The following ROR2 variants were observed in gnomAD, a reference collection of about 807,000 sequenced individuals.
ROR2 encodes tyrosine-protein kinase transmembrane receptor ROR2.
ROR2 carries 33 observed loss-of-function variants against 74.9 expected under a neutral mutation model. That is an observed-to-expected ratio of 0.44 (90% confidence interval 0.33 to 0.59). The LOEUF is 0.59. Ranked by LOEUF, ROR2 falls within the 20% of genes least tolerant of loss-of-function variation. The pLI is 0.02. For synonymous variants in ROR2, 586 were observed against 558.7 expected, an observed-to-expected ratio of 1.05 and a Z score of -0.69; for missense variants, 1,216 against 1,313.8, an observed-to-expected ratio of 0.93 and a Z score of 1.15.
At chr9:91,810,503 AT>A (rs1324273401) in intron 1 of ROR2, among the ~76,000 whole-genome samples, 6 of 152,140 alleles carry the variant, frequency 3.9e-5, no homozygotes, top group Non-Finnish European at 5.9e-5. Context: ...GTGCCTAAAC[AT>A]GCCAACCCAG....
chr9:91,852,632 C>T (rs1368510014), intron 1 of ROR2, among the ~76,000 whole-genome samples: 2 of 150,764 alleles, frequency 1.3e-5, no homozygotes, highest in Non-Finnish European at 1.5e-5. Context: ...CAAACACACA[C>T]ACACACACAC....
chr9:91,901,377 AATCAAACCAAC>A (rs961303455), intron 1 of ROR2, among the ~76,000 whole-genome samples: 1 of 151,738 alleles, frequency 6.6e-6, no homozygotes, highest in African/African-American at 2.4e-5. Context: ...CCTCAAGTAT[AATCAAACCAAC>A]AGTGTCCTTC....
At chr9:91,940,908 A>G (rs1831834671) in intron 1 of ROR2, among the ~76,000 whole-genome samples, 1 of 147,350 alleles carries the variant, frequency 6.8e-6, no homozygotes, top group African/African-American at 2.5e-5. Flanking sequence ...CCGGGCCTTG[A>G]GTCTTTCTTT....
At chr9:91,796,798 G>A (rs1827192990) in intron 1 of ROR2, among the ~76,000 whole-genome samples, 1 of 132,842 alleles carries the variant, frequency 7.5e-6, no homozygotes, top group African/African-American at 3.2e-5. Flanking sequence ...CTCTGTGGGT[G>A]GGGAATGACA....
At chr9:91,830,210 A>T (rs1828421816) in intron 1 of ROR2, among the ~76,000 whole-genome samples, 1 of 152,168 alleles carries the variant, frequency 6.6e-6, no homozygotes, top group African/African-American at 2.4e-5. Context: ...CTTGCCTGTA[A>T]TTCCAGCAAT....
intron 1 of ROR2, among the ~76,000 whole-genome samples, chr9:91,787,896 C>G (rs1238337340): frequency 6.6e-6 from 1 of 152,168 alleles, no homozygotes; most frequent in African/African-American, 2.4e-5. Context: ...TGCTAACCAA[C>G]TGAGCTAACC....
chr9:91,847,937 T>G (rs1166820127), intron 1 of ROR2, among the ~76,000 whole-genome samples: 1 of 152,194 alleles, frequency 6.6e-6, no homozygotes, highest in South Asian at 2.1e-4. Context: ...CAGCTCTGCC[T>G]GGCAGTACAG....
At chr9:91,796,698 T>C (rs1001426643) in intron 1 of ROR2, among the ~76,000 whole-genome samples, 1 of 151,020 alleles carries the variant, frequency 6.6e-6, no homozygotes, top group African/African-American at 2.4e-5. Flanking sequence ...ATGGGGCTGA[T>C]ACACTGGGAC....
At chr9:91,949,584 C>T (rs1832112387) in intron 1 of ROR2, among the ~76,000 whole-genome samples, 1 of 147,746 alleles carries the variant, frequency 6.8e-6, no homozygotes, top group Admixed American at 6.7e-5. Context: ...CCACTCGCGA[C>T]CCTCGGGAAG....
intron 1 of ROR2, among the ~76,000 whole-genome samples, chr9:91,921,717 G>C (rs1831266827): frequency 6.6e-6 from 1 of 152,098 alleles, no homozygotes; most frequent in African/African-American, 2.4e-5. Flanking sequence ...CACAAAAGTA[G>C]CCAGGCGTGG....
intron 1 of ROR2, among the ~76,000 whole-genome samples, chr9:91,809,125 T>C (rs1425036292): frequency 6.6e-6 from 1 of 152,248 alleles, no homozygotes; most frequent in Non-Finnish European, 1.5e-5. Flanking sequence ...TGCCTCCATG[T>C]TGCACATCCC....
At chr9:91,805,541 C>T (rs553585150) in intron 1 of ROR2, among the ~76,000 whole-genome samples, 1 of 152,316 alleles carries the variant, frequency 6.6e-6, no homozygotes, top group South Asian at 2.1e-4. Flanking sequence ...GCCGGAGAGG[C>T]ACACACTCTC....
chr9:91,883,551 C>T (rs1019087279), intron 1 of ROR2, among the ~76,000 whole-genome samples: 1 of 152,132 alleles, frequency 6.6e-6, no homozygotes, highest in Non-Finnish European at 1.5e-5. Flanking sequence ...ATCATATTTC[C>T]AGTGCTCAAT....
At chr9:91,793,534 G>A (rs762847626) in intron 1 of ROR2, among the ~76,000 whole-genome samples, 13 of 152,188 alleles carry the variant, frequency 8.5e-5, no homozygotes, top group East Asian at 1.9e-4. Flanking sequence ...AGGCTGGTGC[G>A]GGTGGATCAT....
chr9:91,934,734 C>T (rs1424265740), intron 1 of ROR2, among the ~76,000 whole-genome samples: 1 of 152,066 alleles, frequency 6.6e-6, no homozygotes, highest in Non-Finnish European at 1.5e-5. Context: ...AAGAAATGAG[C>T]TCAGAGTTTA....
chr9:91,754,045 TA>T (rs1000653116), intron 4 of ROR2, among the ~76,000 whole-genome samples: 16 of 105,382 alleles, frequency 1.5e-4, no homozygotes, highest in Non-Finnish European at 2.7e-4. Flanking sequence ...CTGGATGATT[TA>T]CCTTTATGAC....
intron 1 of ROR2, among the ~76,000 whole-genome samples, chr9:91,857,137 C>T (rs1014290010): frequency 6.6e-6 from 1 of 152,278 alleles, no homozygotes; most frequent in African/African-American, 2.4e-5. Context: ...AACCTGCCAT[C>T]TTGTTTCACG....
At chr9:91,915,598 C>G (rs969913387) in intron 1 of ROR2, among the ~76,000 whole-genome samples, 2 of 151,374 alleles carry the variant, frequency 1.3e-5, no homozygotes, top group African/African-American at 4.9e-5. Flanking sequence ...AAAGATTCCA[C>G]AGCCATGGAA....
At chr9:91,742,725 G>A (rs1466177201) in intron 4 of ROR2, among the ~76,000 whole-genome samples, 1 of 152,138 alleles carries the variant, frequency 6.6e-6, no homozygotes, top group Admixed American at 6.5e-5. Flanking sequence ...TAGCCTAAAT[G>A]TATAGCGTTT....
Sources: allele counts gnomAD v4.1 joint callset (sites outside exome capture counted in the v4.1 genomes callset), GRCh38; gene constraint gnomAD v4.1.1; transcripts MANE v1.5; gene names NCBI Gene and HGNC (gene_info 2026-07-23, HGNC 2026-07-21).